LRRK2: variants seen among roughly 807,000 people sequenced by gnomAD.
LRRK2 encodes the protein leucine-rich repeat serine/threonine-protein kinase 2.
LRRK2 carries 203 observed loss-of-function variants against 302.6 expected under a neutral mutation model. The ratio of observed to expected loss-of-function variants is 0.67; its 90% CI spans 0.60 to 0.75. The LOEUF (loss-of-function observed/expected upper bound fraction) is 0.75, where lower values mean the gene tolerates loss of function less well. Among genes scored for constraint, LRRK2 ranks in the 30% least tolerant of loss-of-function variants. The pLI is 0.00. For synonymous variants in LRRK2, 1,066 were observed against 1,031.9 expected (o/e 1.03, Z -0.63); for missense variants, 2,830 against 2,951.0 (o/e 0.96, Z 0.95).
intron 50 of LRRK2, chr12:40,367,364 T>C (rs1946910587): frequency 2.4e-6 from 1 of 414,852 alleles, no homozygotes; most frequent in Non-Finnish European, 4.2e-6. Context: ...TAATGTCTAA[T>C]TTTGAACAGT....
chr12:40,250,354 G>A (rs182061393), intron 8 of LRRK2, among the ~76,000 whole-genome samples: 8 of 152,234 alleles, frequency 5.3e-5, no homozygotes, highest in Admixed American at 5.2e-4. Flanking sequence ...GTCTGGCATG[G>A]TGGCGGGCAC....
chr12:40,284,518 G>A (rs1943842032), intron 19 of LRRK2, among the ~76,000 whole-genome samples: 1 of 151,616 alleles, frequency 6.6e-6, no homozygotes, highest in Admixed American at 6.6e-5. Flanking sequence ...CTTTTTATAT[G>A]CTTACATGTA....
chr12:40,346,950 GA>G (rs1333977479), intron 42 of LRRK2, 27 bp downstream of exon 42: 11 of 1,586,100 alleles, frequency 6.9e-6, no homozygotes, highest in African/African-American at 1.4e-5. Flanking sequence ...CTACAATGAA[GA>G]TTTTTTTTCT....
chr12:40,304,185 A>T (rs367573727), intron 27 of LRRK2, 51 bp downstream of exon 27: 1 of 1,555,320 alleles, frequency 6.4e-7, no homozygotes, highest in African/African-American at 1.4e-5. Flanking sequence ...TTGCATCATT[A>T]CAAATTATCA....
chr12:40,251,620 TA>T (rs1942279015), intron 10 of LRRK2, 76 bp downstream of exon 10: 1 of 1,235,052 alleles, frequency 8.1e-7, no homozygotes. Flanking sequence ...ACCTTAACCG[TA>T]ACTTTTATTG....
chr12:40,242,110 A>T (rs1421741436), intron 6 of LRRK2, among the ~76,000 whole-genome samples: 1 of 152,210 alleles, frequency 6.6e-6, no homozygotes, highest in Admixed American at 6.5e-5. Flanking sequence ...TCAAGAAAGT[A>T]GCAGCTAAAA....
In LRRK2 at chr12:40,251,517, A is replaced by G. The variant is rs201929195; in HGVS notation, c.1154A>G (p.His385Arg). 7.4e-6 allele frequency: 12 copies of G among 1,612,460 alleles called. No homozygotes were observed. Among genetic ancestry groups the G allele is most frequent in the Non-Finnish European group, 9.3e-6 (11 of 1,179,178 alleles). ...NNLLMYQNSL[H>R]EKIGDEDGHF... ...CTCCTTATGTACCAAAACAGTTTACATGAGAAGATTGGAGATGAAGATGGC... is the reference window on the plus strand; with the variant it reads ...CTCCTTATGTACCAAAACAGTTTACGTGAGAAGATTGGAGATGAAGATGGC... The change falls in exon 10 of 51, where the codon CAT (histidine) becomes CGT (arginine). Residue 385 changes from histidine to arginine, a missense_variant. Physicochemically the swap from His to Arg is conservative, Grantham distance 29 (BLOSUM62 0). Around this residue, in one of 3 missense-constraint regions of LRRK2, gnomAD observed 2,121 missense variants for 2,148.0 expected, o/e 0.99. Transcript: ENST00000298910.
At chr12:40,226,148 A>G (rs151225166) in intron 2 of LRRK2, among the ~76,000 whole-genome samples, 1 of 152,230 alleles carries the variant, frequency 6.6e-6, no homozygotes, top group Admixed American at 6.5e-5. Flanking sequence ...TGTAGTATCT[A>G]AAGAAAGTGA....
chr12:40,348,550 T>TTTGC, intron 43 of LRRK2, 41 bp downstream of exon 43: 1 of 1,191,854 alleles, frequency 8.4e-7, no homozygotes, highest in Non-Finnish European at 1.2e-6. Context: ...CAGAACATCA[T>TTTGC]TTGCATATAT....
chr12:40,225,360 C>T (rs1413799836), intron 1 of LRRK2, 78 bp downstream of exon 1: 3 of 1,532,074 alleles, frequency 2.0e-6, no homozygotes, highest in Non-Finnish European at 2.7e-6. Flanking sequence ...TTTTGTCCTC[C>T]TCCCCTTGAC....
intron 2 of LRRK2, among the ~76,000 whole-genome samples, chr12:40,227,008 A>G (rs1034856133): frequency 3.6e-4 from 55 of 152,146 alleles, no homozygotes; most frequent in African/African-American, 1.3e-3. Flanking sequence ...ATACTTGACA[A>G]CCCAGGGGAG....
intron 2 of LRRK2, among the ~76,000 whole-genome samples, chr12:40,228,265 A>G (rs529683113): frequency 2.6e-5 from 4 of 151,840 alleles, no homozygotes; most frequent in Non-Finnish European, 5.9e-5. Context: ...TGTCTTTTTG[A>G]TAATAGCCAT....
At chr12:40,323,051 G>C in intron 37 of LRRK2, 109 bp from the exon 38 acceptor site, 1 of 890,714 alleles carries the variant, frequency 1.1e-6, no homozygotes, top group Non-Finnish European at 1.8e-6. Flanking sequence ...AGAAAGGGAG[G>C]GATTAGAAAT....
intron 11 of LRRK2, among the ~76,000 whole-genome samples, chr12:40,254,473 T>A (rs1260740028): frequency 6.6e-6 from 1 of 152,100 alleles, no homozygotes; most frequent in East Asian, 1.9e-4. Flanking sequence ...GGAGAGGGAA[T>A]CGCTGTTCTC....
Position 40,308,643 on chromosome 12 carries a change from A to T in LRRK2, c.4136A>T (p.Gln1379Leu), listed in dbSNP as rs758349178. Reference protein sequence around the residue: ...VGIDVKDWPIQIRDKRKRDLV... With the variant: ...VGIDVKDWPILIRDKRKRDLV... ...ATAGATGTGAAAGACTGGCCTATCC[A>T]AATAAGAGACAAAAGAAAGAGAGAT... The change falls in exon 29 of 51, where the codon CAA becomes CTA. Residue 1379 changes from glutamine to leucine, a missense_variant. This residue lies in a region of LRRK2 where 2,121 missense variants were observed against 2,148.0 expected (regional missense o/e 0.99). Coordinates refer to ENST00000298910, the MANE Select transcript of LRRK2 (RefSeq NM_198578.4). 6.2e-7 allele frequency: 1 copy of T among 1,613,908 alleles called. No homozygotes were observed. Among genetic ancestry groups the T allele is most frequent in the African/African-American group, 1.3e-5 (1 of 74,940 alleles).
chr12:40,340,194 G>A, intron 40 of LRRK2, 100 bp from the exon 41 acceptor site: 2 of 1,216,232 alleles, frequency 1.6e-6, no homozygotes, highest in Non-Finnish European at 2.4e-6. Context: ...CAGAATTTTT[G>A]ATGCTTGACA....
intron 7 of LRRK2, among the ~76,000 whole-genome samples, chr12:40,246,861 A>G (rs766363515): frequency 3.9e-5 from 6 of 152,116 alleles, no homozygotes; most frequent in Admixed American, 6.6e-5. Context: ...CTCTTGTTTC[A>G]GCTTCTTTTT....
chr12:40,298,778 A>AATATATATATATATATATATAT (rs113272586), intron 24 of LRRK2, among the ~76,000 whole-genome samples: 47 of 60,594 alleles, frequency 7.8e-4, no homozygotes, highest in South Asian at 2.8e-3. Context: ...GTCTCAAAGA[A>AATATATATATATATATATATAT]ATATATATAT....
Position 40,303,947 on chromosome 12 carries a change from G to T in LRRK2, c.3591-1G>T. On this transcript the variant is annotated splice_acceptor_variant, in intron 26 of 50. Coordinates refer to ENST00000298910, the MANE Select transcript of LRRK2 (RefSeq NM_198578.4). LOFTEE classifies it high-confidence loss of function. ...TATGTCTTTTCTGTGTATTGTTTTA[G>T]CTTGCGGTCTTTAGATATGAGCAGC... 6.2e-7 allele frequency: 1 copy of T among 1,613,444 alleles called. No homozygotes were observed.
Sources: gnomAD v4.1 joint callset for allele counts (sites outside exome capture counted in the v4.1 genomes callset) on GRCh38, gnomAD v4.1.1 for gene constraint, gnomAD v4.1.1 regional missense constraint, MANE v1.5 for transcripts, NCBI Gene and HGNC (gene_info 2026-07-23, HGNC 2026-07-21) for gene names.